Variants in GPR158 observed in about 807,000 individuals in gnomAD.
The protein encoded by GPR158 is metabotropic glycine receptor.
A neutral mutation model predicts 78.2 loss-of-function variants in GPR158; 30 were observed. The observed-to-expected ratio is 0.38, with a 90% CI of 0.29 to 0.52. The LOEUF (loss-of-function observed/expected upper bound fraction) is 0.52, where lower values mean the gene tolerates loss of function less well. Among genes scored for constraint, GPR158 ranks in the 20% least tolerant of loss-of-function variants. The probability of loss-of-function intolerance (pLI) is 0.83; values close to 1 mark genes in which losing one functional copy is unlikely to be tolerated. For missense variants in GPR158, 1,463 were observed against 1,523.5 expected (o/e 0.96, Z 0.66); for synonymous variants, 581 against 591.1 (o/e 0.98, Z 0.25).
At chr10:25,587,112 G>A (rs1445590306) in intron 7 of GPR158, among the ~76,000 whole-genome samples, 1 of 152,226 alleles carries the variant, frequency 6.6e-6, no homozygotes, top group African/African-American at 2.4e-5. Flanking sequence ...TCAACAGGAA[G>A]CAGGTGGTTG....
chr10:25,407,845 A>G (rs1215868360), intron 3 of GPR158, among the ~76,000 whole-genome samples: 2 of 152,152 alleles, frequency 1.3e-5, no homozygotes, highest in African/African-American at 2.4e-5. Flanking sequence ...CTTGTCCTCT[A>G]TAGTATGTTC....
intron 2 of GPR158, among the ~76,000 whole-genome samples, chr10:25,301,701 A>AT (rs10714844): frequency 2.6e-5 from 4 of 151,790 alleles, no homozygotes; most frequent in East Asian, 3.9e-4. Context: ...TTTGACACAG[A>AT]TTTTTTTTTG....
chr10:25,451,720 C>T (rs1369334040), intron 4 of GPR158, among the ~76,000 whole-genome samples: 2 of 152,056 alleles, frequency 1.3e-5, no homozygotes, highest in East Asian at 3.9e-4. Flanking sequence ...AAAGCGCGTA[C>T]CTACTATTTG....
chr10:25,523,060 C>T (rs1233904115), intron 5 of GPR158, among the ~76,000 whole-genome samples: 1 of 152,186 alleles, frequency 6.6e-6, no homozygotes, highest in Non-Finnish European at 1.5e-5. Context: ...ATGGAAGAAA[C>T]AGTCAAGCCC....
At position 25,442,653 on chromosome 10, in the gene GPR158, G is replaced by A. The variant is rs1055713830; in HGVS notation, c.1336-23998G>A. ...TTCACTCTTCCCTGTCTCAGGGAAT[G>A]CCACCACCATATATCAGAGAGCCAG... On this transcript the variant is annotated intron_variant, in intron 4 of 10. Coordinates refer to ENST00000376351, the MANE Select transcript of GPR158 (RefSeq NM_020752.3). 5.3e-5 allele frequency among the ~76,000 whole-genome samples: 8 copies of A among 152,052 alleles called. No homozygotes were observed. In the South Asian group the frequency reaches 1.0e-3, roughly 20 times the overall value.
chr10:25,255,798 C>T (rs1231691782), intron 2 of GPR158, among the ~76,000 whole-genome samples: 1 of 152,172 alleles, frequency 6.6e-6, no homozygotes, highest in African/African-American at 2.4e-5. Context: ...TTCATTTTGA[C>T]TCAAAATCAA....
At chr10:25,284,904 C>T (rs1854326963) in intron 2 of GPR158, among the ~76,000 whole-genome samples, 1 of 151,872 alleles carries the variant, frequency 6.6e-6, no homozygotes, top group South Asian at 2.1e-4. Context: ...CTAATTACTT[C>T]TTATTCTTTT....
intron 6 of GPR158, among the ~76,000 whole-genome samples, chr10:25,554,196 A>G (rs910170115): frequency 4.6e-5 from 7 of 152,178 alleles, no homozygotes; most frequent in Non-Finnish European, 7.4e-5. Context: ...CCTTTTGAAT[A>G]CCATGTCTTC....
At chr10:25,246,207 C>T (rs1183891347) in intron 2 of GPR158, among the ~76,000 whole-genome samples, 1 of 152,156 alleles carries the variant, frequency 6.6e-6, no homozygotes, top group East Asian at 1.9e-4. Flanking sequence ...CTTGTTCTTT[C>T]TGAGCAAGTA....
At chr10:25,203,413 C>G (rs1292414245) in intron 1 of GPR158, among the ~76,000 whole-genome samples, 2 of 152,106 alleles carry the variant, frequency 1.3e-5, no homozygotes, top group South Asian at 2.1e-4. Context: ...TTTAATCCAT[C>G]TCGAATTAAT....
chr10:25,263,208 A>G lies in GPR158; in HGVS notation c.1008+42051A>G, dbSNP rs1457202384. ...TCTGATCCACTTTCAGTTAATTTTT[A>G]TGAAAAGTGTGAAGTCTGTGCCTAA... On this transcript the variant is annotated intron_variant, in intron 2 of 10. Coordinates refer to ENST00000376351, the MANE Select transcript of GPR158 (RefSeq NM_020752.3). Among the ~76,000 whole-genome samples, 10 of 152,164 alleles carry G rather than the reference A, an allele frequency of 6.6e-5. 1 individual carries two copies. Among genetic ancestry groups the G allele is most frequent in the Admixed American group, 6.5e-4 (10 of 15,274 alleles).
At chr10:25,218,501 G>C (rs1853250941) in intron 1 of GPR158, among the ~76,000 whole-genome samples, 1 of 152,198 alleles carries the variant, frequency 6.6e-6, no homozygotes, top group African/African-American at 2.4e-5. Flanking sequence ...GATTTCCACT[G>C]TCTGGGAACT....
intron 5 of GPR158, among the ~76,000 whole-genome samples, chr10:25,490,482 C>T (rs1481061969): frequency 8.5e-6 from 1 of 117,440 alleles, no homozygotes; most frequent in East Asian, 2.7e-4. Flanking sequence ...GTGATATTCC[C>T]CTTCCTGTGT....
chr10:25,393,118 A>G (rs186343412), intron 2 of GPR158, among the ~76,000 whole-genome samples: 190 of 152,324 alleles, frequency 1.2e-3, no homozygotes, highest in African/African-American at 4.5e-3. Flanking sequence ...GGCAATATGT[A>G]CCAGATCTAA....
intron 9 of GPR158, among the ~76,000 whole-genome samples, chr10:25,596,039 GATAA>G (rs1056955776): frequency 2.0e-5 from 3 of 151,972 alleles, no homozygotes; most frequent in Non-Finnish European, 2.9e-5. Flanking sequence ...AAACAGACAA[GATAA>G]ATAAATAAGG....
rs569483236 is a variant in GPR158, at chr10:25,479,116, G to A, written c.1404+12397G>A. Reference sequence around the variant, plus strand: ...TGCTGCAATAAACATACATGTGCATGTGTCTTTATAGCAGCATGATTTATA... The same window carrying A: ...TGCTGCAATAAACATACATGTGCATATGTCTTTATAGCAGCATGATTTATA... On this transcript the variant is annotated intron_variant, in intron 5 of 10. Coordinates refer to ENST00000376351, the MANE Select transcript of GPR158 (RefSeq NM_020752.3). 3.3e-5 allele frequency among the ~76,000 whole-genome samples: 5 copies of A among 152,116 alleles called. No homozygotes were observed. In the South Asian group the frequency reaches 1.0e-3, roughly 32 times the overall value.
chr10:25,382,133 T>C (rs1037530056), intron 2 of GPR158, among the ~76,000 whole-genome samples: 3 of 152,024 alleles, frequency 2.0e-5, no homozygotes, highest in Non-Finnish European at 4.4e-5. Context: ...TGGAGGGGAG[T>C]GTTTCATTAT....
chr10:25,330,844 C>T (rs1488308331), intron 2 of GPR158, among the ~76,000 whole-genome samples: 2 of 152,066 alleles, frequency 1.3e-5, no homozygotes, highest in African/African-American at 4.8e-5. Context: ...AAGGACTTCA[C>T]AACTGCATAA....
At chr10:25,450,722 C>T (rs1835204747) in intron 4 of GPR158, among the ~76,000 whole-genome samples, 1 of 152,096 alleles carries the variant, frequency 6.6e-6, no homozygotes, top group South Asian at 2.1e-4. Context: ...TCCTCTCTTC[C>T]TTCCTTCTTC....
Sources: allele counts gnomAD v4.1 joint callset (sites outside exome capture counted in the v4.1 genomes callset), GRCh38; gene constraint gnomAD v4.1.1; transcripts MANE v1.5; gene names NCBI Gene and HGNC (gene_info 2026-07-23, HGNC 2026-07-21).